Variants in MTBP observed in about 807,000 individuals in gnomAD.
MTBP encodes the protein MDM2 binding protein.
MTBP carries 101 observed loss-of-function variants against 117.0 expected under a neutral mutation model. The observed-to-expected ratio is 0.86, with a 90% CI of 0.73 to 1.02. The LOEUF (loss-of-function observed/expected upper bound fraction) is 1.02, where lower values mean the gene tolerates loss of function less well. Ranked by LOEUF, MTBP falls within the 50% of genes least tolerant of loss-of-function variation. The pLI is 0.00. For missense variants in MTBP, 970 were observed against 1,030.9 expected (o/e 0.94, Z 0.81); for synonymous variants, 350 against 351.5 (o/e 1.00, Z 0.05).
At chr8:120,488,782 C>T (rs1016218169) in intron 12 of MTBP, among the ~76,000 whole-genome samples, 2 of 152,058 alleles carry the variant, frequency 1.3e-5, no homozygotes, top group Admixed American at 1.3e-4. Flanking sequence ...TATTATCTCT[C>T]GTGGTCCTGT....
rs112629467 is a variant in MTBP, at chr8:120,519,131, A to G, written c.2610+314A>G. Among the ~76,000 whole-genome samples, 896 of 151,324 alleles carry G rather than the reference A, an allele frequency of 5.9e-3. 11 individuals carry two copies. Among genetic ancestry groups the G allele is most frequent in the African/African-American group, 0.02 (845 of 41,270 alleles). ...TTGGCCCTCCATATCTGTGGGTTCT[A>G]TATCCATGGGTTCTGCATCCATGGG... On this transcript the variant is annotated intron_variant, in intron 20 of 21. Coordinates refer to ENST00000305949, the MANE Select transcript of MTBP (RefSeq NM_022045.5).
chr8:120,448,961 A>G (rs900540899), intron 2 of MTBP, among the ~76,000 whole-genome samples: 9 of 152,044 alleles, frequency 5.9e-5, no homozygotes, highest in Non-Finnish European at 1.0e-4. Context: ...GGGTGTTTGG[A>G]TTTTTTCCTA....
At position 120,516,161 on chromosome 8, in the gene MTBP, A is replaced by T; in HGVS notation, c.2216A>T (p.Lys739Ile). 1.2e-6 allele frequency: 2 copies of T among 1,612,158 alleles called. No individual in the cohort carries two copies. Among genetic ancestry groups the T allele is most frequent in the South Asian group, 1.1e-5 (1 of 90,994 alleles). ...GTATCCCGATTGAAACGGAGATCTAAAGATCTGAATTGCCTTTATCCCAGA... is the reference window on the plus strand; with the variant it reads ...GTATCCCGATTGAAACGGAGATCTATAGATCTGAATTGCCTTTATCCCAGA... Reference protein sequence around the residue: ...TEVSRLKRRSKDLNCLYPRKR... With the variant: ...TEVSRLKRRSIDLNCLYPRKR... Residue 739 changes from lysine to isoleucine, a missense_variant, in exon 18 of 22, where the codon AAA becomes ATA. Transcript: ENST00000305949.
chr8:120,509,385 T>G (rs1007067403), intron 16 of MTBP, among the ~76,000 whole-genome samples: 21 of 152,142 alleles, frequency 1.4e-4, no homozygotes, highest in Admixed American at 1.3e-3. Context: ...GCGGATCACT[T>G]GAGGTCAGGA....
Position 120,518,221 on chromosome 8 carries a change from G to A in MTBP, c.2496+121G>A, listed in dbSNP as rs760240880. The A allele has an allele frequency of 1.9e-4, 202 of 1,059,404 alleles. 2 individuals carry two copies. Among genetic ancestry groups the A allele is most frequent in the Non-Finnish European group, 2.5e-4 (187 of 759,166 alleles). 65.6% of individuals were successfully genotyped at this position (1,059,404 alleles called of 1,614,324 possible). The stretch of plus-strand genomic sequence containing the variant: ...AATGAAACGATGTCTAGAATTTACT[G>A]GTGTAAGAAGGATGATAGGAAAGTA... On this transcript the variant is annotated intron_variant, in intron 19 of 21. Transcript: ENST00000305949.
intron 20 of MTBP, among the ~76,000 whole-genome samples, chr8:120,520,172 G>A (rs2130624378): frequency 6.6e-6 from 1 of 152,202 alleles, no homozygotes; most frequent in South Asian, 2.1e-4. Flanking sequence ...GAACTCTGAA[G>A]AAGCAGGAAG....
chr8:120,454,543 T>G (rs1813428712), intron 5 of MTBP, among the ~76,000 whole-genome samples: 1 of 152,086 alleles, frequency 6.6e-6, no homozygotes, highest in Admixed American at 6.5e-5. Flanking sequence ...TTCTGAATGC[T>G]TTATTGAAGG....
intron 12 of MTBP, among the ~76,000 whole-genome samples, chr8:120,488,806 T>C (rs1415277890): frequency 6.6e-6 from 1 of 152,108 alleles, no homozygotes; most frequent in Admixed American, 6.6e-5. Context: ...TTGAATGAGC[T>C]CAGTTGGATG....
chr8:120,518,741 A>C lies in MTBP; in HGVS notation c.2534A>C (p.His845Pro). The C allele has an allele frequency of 6.2e-7, 1 of 1,611,298 alleles. No homozygotes were observed. Among genetic ancestry groups the C allele is most frequent in the Non-Finnish European group, 8.5e-7 (1 of 1,178,368 alleles). Reference protein sequence around the residue: ...KEVVTETLKKHSITETHECFT... With the variant: ...KEVVTETLKKPSITETHECFT... ...GTAGTTACTGAAACCCTGAAGAAAC[A>C]CAGTATTACCGAGACTCATGAATGT... The change falls in exon 20 of 22, where the codon CAC (histidine) becomes CCC (proline). Residue 845 changes from histidine to proline, a missense_variant. By Grantham distance (77) the His-to-Pro change is moderately conservative. Coordinates refer to ENST00000305949, the MANE Select transcript of MTBP (RefSeq NM_022045.5).
intron 11 of MTBP, among the ~76,000 whole-genome samples, chr8:120,487,914 T>C (rs1814252454): frequency 6.6e-6 from 1 of 152,230 alleles, no homozygotes. Flanking sequence ...GTAAGCCATA[T>C]CAAAAGTTAA....
chr8:120,499,149 A>G (rs2130597325), intron 14 of MTBP, among the ~76,000 whole-genome samples: 1 of 152,324 alleles, frequency 6.6e-6, no homozygotes, highest in Admixed American at 6.5e-5. Flanking sequence ...ATCTGGCTTC[A>G]TACTTATTCT....
Position 120,518,096 on chromosome 8 carries a change from C to T in MTBP, c.2492C>T (p.Thr831Ile), listed in dbSNP as rs1188288159. The T allele has an allele frequency of 1.9e-6, 3 of 1,611,564 alleles. No individual in the cohort carries two copies. The South Asian group carries it at 3.3e-5, about 18-fold the overall frequency. ...QIKESRSQKH[T>I]RILKEVVTET... ...AAGGAATCAAGATCACAGAAACACA[C>T]ACGGGTAAAGATTTATTTCCCATTT... The change falls in exon 19 of 22, where the codon ACA (threonine) becomes ATA (isoleucine). Residue 831 changes from threonine to isoleucine, a missense_variant. Thr to Ile is a moderately conservative substitution (Grantham distance 89). Coordinates refer to ENST00000305949, the MANE Select transcript of MTBP (RefSeq NM_022045.5).
intron 2 of MTBP, among the ~76,000 whole-genome samples, chr8:120,447,460 A>G (rs906783875): frequency 2.0e-5 from 3 of 151,928 alleles, no homozygotes; most frequent in Non-Finnish European, 4.4e-5. Context: ...TCAAATGTAT[A>G]TGTAAAAGAG....
At position 120,445,443 on chromosome 8, in the gene MTBP, C is replaced by G. The variant is rs1183892041; in HGVS notation, c.-28C>G. 4.4e-6 allele frequency: 7 copies of G among 1,595,882 alleles called. No homozygotes were observed. The highest frequency in any genetic ancestry group is 5.1e-6 in the Non-Finnish European group (6 of 1,165,646). ...TCTGTTTGGATGTGGAAGCCGAGAC[C>G]TAAAGTTGGGGGGTGATCTCTGAGG... On this transcript the variant is annotated 5_prime_UTR_variant, in exon 1 of 22. Transcript: ENST00000305949.
At chr8:120,459,039 T>C (rs1303616474) in intron 7 of MTBP, among the ~76,000 whole-genome samples, 176 bp from the exon 8 acceptor site, 2 of 151,918 alleles carry the variant, frequency 1.3e-5, no homozygotes, top group East Asian at 1.9e-4. Context: ...GAAAAATTGA[T>C]GTCTAAGTTA....
intron 2 of MTBP, 102 bp downstream of exon 2, chr8:120,446,615 G>C (rs1419444712): frequency 1.3e-6 from 1 of 751,700 alleles, no homozygotes; most frequent in African/African-American, 1.7e-5. Context: ...CTTCTTGACT[G>C]TGTACAAGGC....
At position 120,517,858 on chromosome 8, in the gene MTBP, A is replaced by G. The variant is rs374570582; in HGVS notation, c.2254A>G (p.Lys752Glu). 212 of 1,610,334 alleles carry G rather than the reference A, an allele frequency of 1.3e-4. No individual in the cohort carries two copies. The highest frequency in any genetic ancestry group is 2.8e-4 in the Admixed American group (17 of 59,746). ...TTTTCCCCTGCTATATAGACTTGTG[A>G]AATCTGAAAGTTCAGAGTCTCTTCT... ...NCLYPRKRLV[K>E]SESSESLLSQ... The change falls in exon 19 of 22, where the codon AAA (lysine) becomes GAA (glutamate). Residue 752 changes from lysine (K) to glutamate (E), a missense_variant. Lys to Glu is a moderately conservative substitution (Grantham distance 56). Transcript: ENST00000305949.
At position 120,445,575 on chromosome 8, in the gene MTBP, T is replaced by A. The variant is rs1322672344; in HGVS notation, c.105T>A (p.Thr35=). 1 of 1,608,030 alleles carries A rather than the reference T, an allele frequency of 6.2e-7. No individual in the cohort carries two copies. The highest frequency in any genetic ancestry group is 2.2e-5 in the East Asian group (1 of 44,740). The part of the protein sequence containing the change: ...HGPEVSSGEG[T]ENQPDFTAAN... Reference sequence around the variant, plus strand: ...CAGAGGTGTCGTCGGGTGAGGGTACTGAGAATCAGCCGGGTAAGCGCTGGG... The same window carrying A: ...CAGAGGTGTCGTCGGGTGAGGGTACAGAGAATCAGCCGGGTAAGCGCTGGG... Residue 35 remains threonine, a synonymous_variant, in exon 1 of 22, where the codon ACT becomes ACA. Coordinates refer to ENST00000305949, the MANE Select transcript of MTBP (RefSeq NM_022045.5).
chr8:120,467,440 C>T (rs1003402505), intron 10 of MTBP, among the ~76,000 whole-genome samples: 1 of 152,170 alleles, frequency 6.6e-6, no homozygotes. Flanking sequence ...CATGGTGAAA[C>T]CCCGCCTCTA....
Sources: allele counts gnomAD v4.1 joint callset (sites outside exome capture counted in the v4.1 genomes callset), GRCh38; gene constraint gnomAD v4.1.1; transcripts MANE v1.5; gene names NCBI Gene and HGNC (gene_info 2026-07-23, HGNC 2026-07-21).